The following GPBP1 variants were observed in gnomAD, a reference collection of about 807,000 sequenced individuals.
GPBP1 encodes the protein GC-rich promoter binding protein 1.
A neutral mutation model predicts 56.5 loss-of-function variants in GPBP1; 13 were observed. The observed-to-expected ratio is 0.23, with a 90% CI of 0.15 to 0.37. The LOEUF (loss-of-function observed/expected upper bound fraction) is 0.37. Among genes scored for constraint, GPBP1 ranks in the 10% least tolerant of loss-of-function variants. The pLI, the probability that GPBP1 is intolerant of heterozygous loss-of-function variation, is 1.00. For synonymous variants in GPBP1, 204 were observed against 188.9 expected, an observed-to-expected ratio of 1.08 and a Z score of -0.66; for missense variants, 477 against 572.3, an observed-to-expected ratio of 0.83 and a Z score of 1.70.
rs1741955332 is a variant in GPBP1 at position 57,262,727 on chromosome 5, A to T, written c.1397A>T (p.Asp466Val). 1 of 1,613,614 alleles carries T rather than the reference A, an allele frequency of 6.2e-7. No individual in the cohort carries two copies. The highest frequency in any genetic ancestry group is 8.5e-7 in the Non-Finnish European group (1 of 1,179,740). The change falls in exon 12 of 12, where the codon GAT becomes GTT. Residue 466 changes from aspartate (D) to valine (V), a missense_variant. Around this residue, in one of 2 missense-constraint regions of GPBP1, gnomAD observed 63 missense variants for 114.0 expected, o/e 0.55. Transcript: ENST00000506184. ...ENDDTETSSS[D>V]TSDDDDV ...GATGACACAGAGACAAGTAGCAGTG[A>T]TACATCAGATGACGACGATGTGTGA...
intron 6 of GPBP1, 49 bp downstream of exon 6, chr5:57,236,081 A>G: frequency 1.7e-6 from 2 of 1,207,356 alleles, no homozygotes; most frequent in Non-Finnish European, 2.4e-6. Context: ...GTTGATATTT[A>G]TAGGTTTCAC....
chr5:57,220,448 T>G (rs1345792631), intron 3 of GPBP1, among the ~76,000 whole-genome samples: 1 of 150,560 alleles, frequency 6.6e-6, no homozygotes, highest in Non-Finnish European at 1.5e-5. Flanking sequence ...AGAAAATAGT[T>G]GACAATTTAA....
At chr5:57,228,143 C>T (rs1326122761) in intron 3 of GPBP1, among the ~76,000 whole-genome samples, 6 of 151,980 alleles carry the variant, frequency 3.9e-5, no homozygotes, top group African/African-American at 1.5e-4. Context: ...TCATTAAAAC[C>T]ACCTATATAG....
chr5:57,197,713 T>G (rs189843775), intron 2 of GPBP1, among the ~76,000 whole-genome samples: 4 of 152,228 alleles, frequency 2.6e-5, no homozygotes, highest in Admixed American at 1.3e-4. Flanking sequence ...CAGGCAGGTG[T>G]TGTTTTCTTT....
chr5:57,248,218 CAA>C (rs1015584289), intron 8 of GPBP1, among the ~76,000 whole-genome samples: 1 of 151,958 alleles, frequency 6.6e-6, no homozygotes, highest in African/African-American at 2.4e-5. Flanking sequence ...AAAGGAGGAA[CAA>C]GAGAGAAAGG....
In GPBP1 at chr5:57,190,694, C is replaced by CTTTTTTTT. The variant is rs773540051; in HGVS notation, c.-58+14315_-58+14322dup. On this transcript the variant is annotated intron_variant, in intron 2 of 11. Transcript: ENST00000506184. ...AGACTGGCTTTGGATTTGCTGTTAG[C>CTTTTTTTT]TTTTTTTTTTTTTTTTTTTTTTTTT... is the stretch of plus-strand genomic sequence containing the variant. Among the ~76,000 whole-genome samples, 8 of 68,872 alleles carry CTTTTTTTT rather than the reference C, an allele frequency of 1.2e-4. 2 individuals carry two copies. The South Asian group carries it at 1.9e-3, about 16-fold the overall frequency. 45.2% of individuals were successfully genotyped at this position (68,872 alleles called of 152,430 possible). A position where few individuals can be genotyped will look rare whatever the true frequency, so the allele number is the denominator to read the frequency against.
chr5:57,193,251 G>A (rs1190563436), intron 2 of GPBP1, among the ~76,000 whole-genome samples: 1 of 152,136 alleles, frequency 6.6e-6, no homozygotes, highest in African/African-American at 2.4e-5. Context: ...GGGAGGCCGA[G>A]GTTGCAGTGA....
At chr5:57,229,435 C>A (rs935547258) in intron 3 of GPBP1, among the ~76,000 whole-genome samples, 12 of 151,880 alleles carry the variant, frequency 7.9e-5, no homozygotes, top group Non-Finnish European at 1.0e-4. Flanking sequence ...TCATGTTTTC[C>A]CCATTAGGTT....
intron 3 of GPBP1, among the ~76,000 whole-genome samples, chr5:57,223,066 C>G (rs1194729921): frequency 6.6e-6 from 1 of 151,706 alleles, no homozygotes; most frequent in Non-Finnish European, 1.5e-5. Flanking sequence ...ATATGGCGCC[C>G]CAGAACTGAG....
chr5:57,191,122 G>A (rs1036119030), intron 2 of GPBP1, among the ~76,000 whole-genome samples: 6 of 149,748 alleles, frequency 4.0e-5, no homozygotes, highest in African/African-American at 1.5e-4. Context: ...GGCATTCTCC[G>A]TCACCCAGGC....
chr5:57,199,303 A>G (rs1173231855), intron 2 of GPBP1, among the ~76,000 whole-genome samples: 1 of 152,134 alleles, frequency 6.6e-6, no homozygotes, highest in Admixed American at 6.6e-5. Flanking sequence ...TTTTTGACTC[A>G]CAGTTTTATA....
At position 57,236,035 on chromosome 5, in the gene GPBP1, A is replaced by G; in HGVS notation, c.478+3A>G. The G allele has an allele frequency of 6.3e-7, 1 of 1,594,762 alleles. No individual in the cohort carries two copies. The highest frequency in any genetic ancestry group is 8.6e-7 in the Non-Finnish European group (1 of 1,163,400). ...GTCTTTAGCTGCAGGTGTGTGGGGTAAGTAATTTTTTATCTATATTTGAGG... is the reference window on the plus strand; with the variant it reads ...GTCTTTAGCTGCAGGTGTGTGGGGTGAGTAATTTTTTATCTATATTTGAGG... On this transcript the variant is annotated splice_donor_region_variant and intron_variant, in intron 6 of 11. Transcript: ENST00000506184.
rs769735338 is a variant in GPBP1, at chr5:57,235,944, G to C, written c.412-22G>C. On this transcript the variant is annotated intron_variant, in intron 5 of 11. Coordinates refer to ENST00000506184, the MANE Select transcript of GPBP1 (RefSeq NM_022913.4). ...ATGATTTATTTTTAAAATGTGAAAT[G>C]TTTATTCCAACTTTCTTCCAGCCGT... 2.6e-6 allele frequency: 4 copies of C among 1,555,836 alleles called. No individual in the cohort carries two copies. In the South Asian group the frequency reaches 4.5e-5, roughly 17 times the overall value.
intron 2 of GPBP1, among the ~76,000 whole-genome samples, chr5:57,181,593 TA>T (rs1030835570): frequency 6.3e-5 from 9 of 143,156 alleles, no homozygotes; most frequent in African/African-American, 2.3e-4. Flanking sequence ...AGGGAACATT[TA>T]AAAAAAAGGT....
chr5:57,217,097 A>G (rs1040750438), intron 3 of GPBP1, among the ~76,000 whole-genome samples: 3 of 152,188 alleles, frequency 2.0e-5, no homozygotes, highest in Admixed American at 1.3e-4. Context: ...TTTGAAGCAG[A>G]TGCTAGAAAT....
intron 11 of GPBP1, 116 bp downstream of exon 11, chr5:57,261,398 T>C: frequency 1.6e-6 from 1 of 631,030 alleles, no homozygotes; most frequent in Non-Finnish European, 2.8e-6. Flanking sequence ...TAGGTCAGAA[T>C]TGCTTTTAAA....
intron 6 of GPBP1, among the ~76,000 whole-genome samples, chr5:57,239,987 G>A (rs1017340922): frequency 6.6e-6 from 1 of 152,170 alleles, no homozygotes; most frequent in African/African-American, 2.4e-5. Flanking sequence ...CTTGCTGGGT[G>A]CAGTGGCTCA....
rs374580297 is a variant in GPBP1 at position 57,206,224 on chromosome 5, ATT to A, written c.-57-7847_-57-7846del. On this transcript the variant is annotated intron_variant, in intron 2 of 11. Transcript: ENST00000506184. ...ATAATATTTTTTGCACATGTTTTAA[ATT>A]TTCATGAAGTTCAGTTTTTGTTTTC... Among the ~76,000 whole-genome samples, 11 of 151,804 alleles carry A rather than the reference ATT, an allele frequency of 7.2e-5. No homozygotes were observed. The South Asian group carries it at 2.1e-3, about 29-fold the overall frequency.
At chr5:57,217,760 A>G (rs554265380) in intron 3 of GPBP1, among the ~76,000 whole-genome samples, 2 of 150,758 alleles carry the variant, frequency 1.3e-5, no homozygotes, top group African/African-American at 2.4e-5. Context: ...GCTCACACCT[A>G]TAATCCCAGT....
Sources: allele counts gnomAD v4.1 joint callset (sites outside exome capture counted in the v4.1 genomes callset), GRCh38; gene constraint gnomAD v4.1.1; regional missense constraint gnomAD v4.1.1; transcripts MANE v1.5; gene names NCBI Gene and HGNC (gene_info 2026-07-23, HGNC 2026-07-21).